Variants in BIRC3 observed in about 807,000 individuals in gnomAD.
The protein encoded by BIRC3 is baculoviral IAP repeat-containing protein 3.
BIRC3 carries 26 observed loss-of-function variants against 59.0 expected under a neutral mutation model. The observed-to-expected ratio is 0.44, with a 90% CI of 0.32 to 0.61. The LOEUF is 0.61. Among genes scored for constraint, BIRC3 ranks in the 20% least tolerant of loss-of-function variants. The probability of loss-of-function intolerance (pLI) is 0.04; values close to 1 mark genes in which losing one functional copy is unlikely to be tolerated. For synonymous variants in BIRC3, 243 were observed against 249.2 expected, an observed-to-expected ratio of 0.98 and a Z score of 0.24; for missense variants, 641 against 711.5, an observed-to-expected ratio of 0.90 and a Z score of 1.13.
rs1017511803 is a variant in BIRC3 at position 102,336,604 on chromosome 11, A to G, written c.1580-156A>G. 1.3e-5 allele frequency: 10 copies of G among 744,862 alleles called. No individual in the cohort carries two copies. The South Asian group carries it at 1.6e-4, about 12-fold the overall frequency. 46.1% of individuals were successfully genotyped at this position (744,862 alleles called of 1,614,324 possible). A position where few individuals can be genotyped will look rare whatever the true frequency, so the allele number is the denominator to read the frequency against. On this transcript the variant is annotated intron_variant, in intron 7 of 8. Coordinates refer to ENST00000263464, the MANE Select transcript of BIRC3 (RefSeq NM_001165.5). ...CTCTGTCTCAAAAAAAAATCAATCT[A>G]ATTTATAGATATTAGTTACATAAAA... is the stretch of plus-strand genomic sequence containing the variant.
At chr11:102,329,797 G>A (rs1314623124) in intron 5 of BIRC3, among the ~76,000 whole-genome samples, 1 of 152,154 alleles carries the variant, frequency 6.6e-6, no homozygotes, top group Non-Finnish European at 1.5e-5. Flanking sequence ...GGGGTAGGGG[G>A]ATGTGGGAGG....
At chr11:102,326,679 T>C in intron 3 of BIRC3, 1 of 454,190 alleles carries the variant, frequency 2.2e-6, no homozygotes, top group Non-Finnish European at 4.4e-6. Flanking sequence ...GATTAATAAA[T>C]GTGGCATCTT....
chr11:102,333,317 C>G (rs1053368112), intron 6 of BIRC3, among the ~76,000 whole-genome samples: 33 of 151,716 alleles, frequency 2.2e-4, no homozygotes, highest in Admixed American at 5.3e-4. Flanking sequence ...AATCACAGCA[C>G]TTTGGGAGGC....
At chr11:102,336,661 T>C in intron 7 of BIRC3, 99 bp from the exon 8 acceptor site, 1 of 1,094,470 alleles carries the variant, frequency 9.1e-7, no homozygotes, top group Non-Finnish European at 1.3e-6. Context: ...TTGAAATGAG[T>C]ATTTGGCTAT....
intron 6 of BIRC3, among the ~76,000 whole-genome samples, chr11:102,335,744 G>A (rs570520324): frequency 1.3e-5 from 2 of 152,086 alleles, no homozygotes; most frequent in Admixed American, 1.3e-4. Flanking sequence ...AGCCTCCCAA[G>A]TAGCTGGTGC....
At chr11:102,325,392 A>T (rs1474831447) in intron 2 of BIRC3, 30 bp downstream of exon 2, 3 of 1,581,976 alleles carry the variant, frequency 1.9e-6, no homozygotes, top group Non-Finnish European at 2.6e-6. Context: ...AATTAAAAAA[A>T]ATATATTTCA....
chr11:102,326,042 T>G (rs1387077064), intron 3 of BIRC3, among the ~76,000 whole-genome samples: 2 of 152,120 alleles, frequency 1.3e-5, no homozygotes, highest in Non-Finnish European at 2.9e-5. Flanking sequence ...AGTTTTGAAG[T>G]TTTTTCAGTC....
At position 102,339,048 on chromosome 11, in the gene BIRC3, A is replaced by G; in HGVS notation, c.*1946A>G. ...TGATGCTGGGAGACTTATTTCCTTG[A>G]AATGCAATTGATTTTGCCTCTGCTA... is the stretch of plus-strand genomic sequence containing the variant. On this transcript the variant is annotated 3_prime_UTR_variant, in exon 9 of 9. Transcript: ENST00000263464. 4.7e-6 allele frequency: 1 copy of G among 211,760 alleles called. No individual in the cohort carries two copies. Among genetic ancestry groups the G allele is most frequent in the Non-Finnish European group, 9.6e-6 (1 of 104,428 alleles). The allele number at this position is 211,760 out of a possible 1,614,324, so 13.1% of individuals were successfully genotyped here. A position where few individuals can be genotyped will look rare whatever the true frequency, so the allele number is the denominator to read the frequency against.
chr11:102,317,967 C>T (rs1035532456), intron 1 of BIRC3, among the ~76,000 whole-genome samples: 5 of 152,146 alleles, frequency 3.3e-5, no homozygotes, highest in Admixed American at 2.0e-4. Flanking sequence ...AGCAAATGGA[C>T]GCATGTTTCC....
At chr11:102,328,226 GT>G in intron 4 of BIRC3, 96 bp downstream of exon 4, 1 of 911,376 alleles carries the variant, frequency 1.1e-6, no homozygotes, top group Non-Finnish European at 1.7e-6. Context: ...GACAAGAGTT[GT>G]TTTAGAAATA....
chr11:102,318,559 G>A (rs929777184), intron 1 of BIRC3, among the ~76,000 whole-genome samples: 5 of 152,212 alleles, frequency 3.3e-5, no homozygotes, highest in South Asian at 2.1e-4. Flanking sequence ...TTCTAAAAGA[G>A]CTTACTGTCT....
rs1029609596 is a variant in BIRC3, at chr11:102,337,558, C to T, written c.*456C>T. Reference sequence around the variant, plus strand: ...TCCTGGGCAGCATACTGAGACCCTGCCTTTAAAAACAAACAGAACAAAAAC... The same window carrying T: ...TCCTGGGCAGCATACTGAGACCCTGTCTTTAAAAACAAACAGAACAAAAAC... On this transcript the variant is annotated 3_prime_UTR_variant, in exon 9 of 9. Coordinates refer to ENST00000263464, the MANE Select transcript of BIRC3 (RefSeq NM_001165.5). 1 of 384,222 alleles carries T rather than the reference C, an allele frequency of 2.6e-6. No individual in the cohort carries two copies. Among genetic ancestry groups the T allele is most frequent in the Middle Eastern group, 6.6e-4 (1 of 1,526 alleles). The allele number at this position is 384,222 out of a possible 1,614,324, so 23.8% of individuals were successfully genotyped here. A position where few individuals can be genotyped will look rare whatever the true frequency, so the allele number is the denominator to read the frequency against.
At chr11:102,318,472 C>T (rs1950996211) in intron 1 of BIRC3, among the ~76,000 whole-genome samples, 1 of 152,228 alleles carries the variant, frequency 6.6e-6, no homozygotes, top group African/African-American at 2.4e-5. Flanking sequence ...GTCTTCGTGT[C>T]TACCCCATAT....
chr11:102,327,393 C>T (rs1386096212), intron 3 of BIRC3, among the ~76,000 whole-genome samples: 1 of 152,120 alleles, frequency 6.6e-6, no homozygotes, highest in Non-Finnish European at 1.5e-5. Context: ...GTAATCGCAG[C>T]ACTTTGGGAG....
rs980923260 is a variant in BIRC3 at position 102,322,240 on chromosome 11, G to A, written c.-2270G>A. 1 of 206,796 alleles carries A rather than the reference G, an allele frequency of 4.8e-6. No individual in the cohort carries two copies. The highest frequency in any genetic ancestry group is 9.9e-6 in the Non-Finnish European group (1 of 101,326). 12.8% of individuals were successfully genotyped at this position (206,796 alleles called of 1,614,324 possible). On this transcript the variant is annotated 5_prime_UTR_variant, in exon 2 of 9. Transcript: ENST00000263464. ...TTTTAAAATGAGTGACAGTTATTTG[G>A]AACAAAGAGCTAATAATCAATCCAC...
rs1232947789 is a variant in BIRC3 at position 102,337,922 on chromosome 11, G to C, written c.*820G>C. On this transcript the variant is annotated 3_prime_UTR_variant, in exon 9 of 9. Coordinates refer to ENST00000263464, the MANE Select transcript of BIRC3 (RefSeq NM_001165.5). ...ATCTATTATGGAATGCCTGAGACAA[G>C]AATCAAACAGTCCCTTTAGTAAGTT... is the stretch of plus-strand genomic sequence containing the variant. 1 of 227,104 alleles carries C rather than the reference G, an allele frequency of 4.4e-6. No homozygotes were observed. The highest frequency in any genetic ancestry group is 2.2e-5 in the African/African-American group (1 of 44,982). The allele number at this position is 227,104 out of a possible 1,614,324, so 14.1% of individuals were successfully genotyped here.
chr11:102,335,930 T>C (rs1951190795), intron 6 of BIRC3, 36 bp from the exon 7 acceptor site: 2 of 1,575,306 alleles, frequency 1.3e-6, no homozygotes. Flanking sequence ...TGAGCAGAGT[T>C]TGAACATGTT....
intron 6 of BIRC3, among the ~76,000 whole-genome samples, chr11:102,333,668 C>A (rs182635962): frequency 6.6e-6 from 1 of 151,954 alleles, no homozygotes; most frequent in Admixed American, 6.6e-5. Flanking sequence ...ATAGCTTGAA[C>A]CTGGGAGGCA....
chr11:102,326,993 G>C, intron 3 of BIRC3: 1 of 333,588 alleles, frequency 3.0e-6, no homozygotes, highest in Non-Finnish European at 5.9e-6. Flanking sequence ...AAGAATCTTA[G>C]AAGAGTTGAA....
Sources: gnomAD v4.1 joint callset for allele counts (sites outside exome capture counted in the v4.1 genomes callset) on GRCh38, gnomAD v4.1.1 for gene constraint, MANE v1.5 for transcripts, NCBI Gene and HGNC (gene_info 2026-07-23, HGNC 2026-07-21) for gene names.